Variants in MICAL2 observed in about 807,000 individuals in gnomAD.
MICAL2 encodes microtubule associated monooxygenase, calponin and LIM domain containing 2.
MICAL2 carries 77 observed loss-of-function variants against 127.3 expected under a neutral mutation model. The ratio of observed to expected loss-of-function variants is 0.60; its 90% CI spans 0.50 to 0.73. The LOEUF is 0.73. MICAL2 is among the 30% of genes least tolerant of loss of function. The pLI, the probability that MICAL2 is intolerant of heterozygous loss-of-function variation, is 0.00. For missense variants in MICAL2, 1,351 were observed against 1,434.4 expected, an observed-to-expected ratio of 0.94 and a Z score of 0.94; for synonymous variants, 570 against 551.1, an observed-to-expected ratio of 1.03 and a Z score of -0.48.
At chr11:12,259,995 C>G in intron 26 of MICAL2, 98 bp downstream of exon 26, 1 of 1,556,766 alleles carries the variant, frequency 6.4e-7, no homozygotes, top group Middle Eastern at 1.7e-4. Flanking sequence ...AAGCTGCTGG[C>G]CTCCATATCA....
chr11:12,212,682 G>T (rs1415875531), intron 6 of MICAL2, among the ~76,000 whole-genome samples: 1 of 151,978 alleles, frequency 6.6e-6, no homozygotes, highest in Non-Finnish European at 1.5e-5. Context: ...CACCTGCAAT[G>T]ACGCTATTTC....
chr11:12,142,885 A>G (rs552732146), intron 2 of MICAL2, among the ~76,000 whole-genome samples: 2 of 152,324 alleles, frequency 1.3e-5, no homozygotes, highest in East Asian at 3.9e-4. Context: ...CTCTCTGCAC[A>G]CAGAAGGGAG....
intron 3 of MICAL2, among the ~76,000 whole-genome samples, chr11:12,202,125 A>G (rs1449347379): frequency 6.7e-6 from 1 of 150,106 alleles, no homozygotes; most frequent in Non-Finnish European, 1.5e-5. Flanking sequence ...TGTGTCTCAA[A>G]AAAAAAAAAG....
chr11:12,306,675 C>T (rs938432912), intron 29 of MICAL2, among the ~76,000 whole-genome samples: 1 of 152,154 alleles, frequency 6.6e-6, no homozygotes, highest in Admixed American at 6.5e-5. Flanking sequence ...TCAATAGTGT[C>T]GCCTTTCCTA....
intron 32 of MICAL2, among the ~76,000 whole-genome samples, chr11:12,337,122 A>G (rs1411273501): frequency 1.3e-5 from 2 of 152,138 alleles, no homozygotes; most frequent in African/African-American, 4.8e-5. Flanking sequence ...TTATTGCCTC[A>G]ATTTCAGAGC....
In MICAL2 at chr11:12,270,951, T is replaced by C. The variant is rs573275263; in HGVS notation, c.3335-5035T>C. On this transcript the variant is annotated intron_variant, in intron 24 of 34. Coordinates refer to the MICAL2 transcript ENST00000646065. ...CCGCAGAACCAGGGAGTGCCGCGCC[T>C]CTCCATAACCCTGCGGCAGGGGTCT... Among the ~76,000 whole-genome samples the C allele has an allele frequency of 5.3e-5, 8 of 152,268 alleles. No homozygotes were observed. In the East Asian group the frequency reaches 1.2e-3, roughly 22 times the overall value.
chr11:12,199,056 A>C (rs1432851099), intron 3 of MICAL2, among the ~76,000 whole-genome samples: 5 of 152,148 alleles, frequency 3.3e-5, no homozygotes, highest in Non-Finnish European at 7.3e-5. Flanking sequence ...AAGAGCATAG[A>C]CTTTAGACCA....
intron 3 of MICAL2, among the ~76,000 whole-genome samples, chr11:12,191,870 C>T (rs1341072852): frequency 2.0e-5 from 3 of 152,148 alleles, no homozygotes; most frequent in African/African-American, 7.2e-5. Context: ...GAGAAGGTAT[C>T]ATCTCCAGGG....
At chr11:12,340,436 G>A (rs1938844106) in intron 32 of MICAL2, among the ~76,000 whole-genome samples, 1 of 152,170 alleles carries the variant, frequency 6.6e-6, no homozygotes, top group African/African-American at 2.4e-5. Flanking sequence ...CAATGTTAAT[G>A]GGAACACAAA....
chr11:12,294,498 T>A (rs377051725), downstream of MICAL2: 7 of 1,614,192 alleles, frequency 4.3e-6, no homozygotes, highest in Non-Finnish European at 5.9e-6. Flanking sequence ...TCCAAGGTCT[T>A]TCCTGCACTT....
At position 12,239,429 on chromosome 11, in the gene MICAL2, T is replaced by C; in HGVS notation, c.2065-7T>C. On this transcript the variant is annotated splice_region_variant and splice_polypyrimidine_tract_variant and intron_variant, in intron 16 of 27. Transcript: ENST00000683283. ...CAACCATCAGTGTCCCGTTTCAACC[T>C]TTGCAGCCTTCAAACTTTTCCAGCC... 6 of 1,613,970 alleles carry C rather than the reference T, an allele frequency of 3.7e-6. No homozygotes were observed. The highest frequency in any genetic ancestry group is 5.1e-6 in the Non-Finnish European group (6 of 1,180,008).
At chr11:12,258,904 G>T (rs1191759035) in intron 25 of MICAL2, among the ~76,000 whole-genome samples, 1 of 152,226 alleles carries the variant, frequency 6.6e-6, no homozygotes, top group Non-Finnish European at 1.5e-5. Context: ...ACAAGGTGCT[G>T]TTTGCAAGAA....
chr11:12,339,835 G>A (rs1439078761), intron 32 of MICAL2, among the ~76,000 whole-genome samples: 5 of 152,160 alleles, frequency 3.3e-5, no homozygotes, highest in African/African-American at 4.8e-5. Context: ...ACCCAGCCTT[G>A]TGAGGTGTCA....
chr11:12,285,461 C>G (rs1158781003), intron 2 of MICAL2, among the ~76,000 whole-genome samples: 1 of 152,130 alleles, frequency 6.6e-6, no homozygotes, highest in East Asian at 1.9e-4. Flanking sequence ...GGGCTGTTAT[C>G]GTCTTTGTTT....
intron 3 of MICAL2, among the ~76,000 whole-genome samples, chr11:12,201,890 G>A (rs575277294): frequency 9.2e-5 from 14 of 152,246 alleles, no homozygotes; most frequent in South Asian, 4.1e-4. Context: ...AGGCCAAGGC[G>A]GGCAGATCAC....
intron 32 of MICAL2, among the ~76,000 whole-genome samples, chr11:12,336,327 G>T (rs1178620586): frequency 4.6e-5 from 7 of 152,058 alleles, no homozygotes; most frequent in Non-Finnish European, 8.8e-5. Context: ...TTGCTGAAGT[G>T]GCTTATCAGC....
Position 12,239,550 on chromosome 11 carries a change from G to A in MICAL2, c.2179G>A (p.Glu727Lys). ...GGCGAATCAGCTGCTGGCCAAGTTT[G>A]AGGAGAGCACTCGGAACCCCTCACT... ...SMANQLLAKF[E>K]ESTRNPSLMK... is the part of the protein sequence containing the mutation. Residue 727 changes from glutamate to lysine, a missense_variant, in exon 17 of 28, where the codon GAG becomes AAG. By Grantham distance (56) the Glu-to-Lys change is moderately conservative (BLOSUM62 1). Coordinates refer to ENST00000683283, the MANE Select transcript of MICAL2 (RefSeq NM_001282663.2). The A allele has an allele frequency of 6.2e-7, 1 of 1,614,216 alleles. No homozygotes were observed.
chr11:12,243,886 C>A, intron 20 of MICAL2, 101 bp from the exon 21 acceptor site: 1 of 1,425,494 alleles, frequency 7.0e-7, no homozygotes, highest in South Asian at 1.2e-5. Flanking sequence ...CCTTTCTTTG[C>A]CTTCTTGAGT....
At chr11:12,290,724 A>G (rs1289634506), downstream of MICAL2, among the ~76,000 whole-genome samples, 1 of 152,210 alleles carries the variant, frequency 6.6e-6, no homozygotes, top group Non-Finnish European at 1.5e-5. Context: ...GCTTTCTGCG[A>G]GGCCTCCCTC....
Sources: gnomAD v4.1 joint callset for allele counts (sites outside exome capture counted in the v4.1 genomes callset) on GRCh38, gnomAD v4.1.1 for gene constraint, MANE v1.5 for transcripts, NCBI Gene and HGNC (gene_info 2026-07-23, HGNC 2026-07-21) for gene names.